Variants in TMEM63C observed in about 807,000 individuals in gnomAD.
TMEM63C encodes the protein osmosensitive cation channel TMEM63C.
Under a neutral mutation model 99.2 loss-of-function variants are expected in TMEM63C, and 32 were observed. The observed-to-expected ratio is 0.32, with a 90% CI of 0.24 to 0.43. TMEM63C has a LOEUF of 0.43. TMEM63C is among the 20% of genes least tolerant of loss of function. The pLI is 1.00. For missense variants in TMEM63C, 826 were observed against 1,053.0 expected, an observed-to-expected ratio of 0.78 and a Z score of 2.98; for synonymous variants, 376 against 397.9, an observed-to-expected ratio of 0.94 and a Z score of 0.66.
intron 5 of TMEM63C, among the ~76,000 whole-genome samples, chr14:77,220,387 TCA>T (rs1018636480): frequency 6.6e-6 from 1 of 152,202 alleles, no homozygotes; most frequent in African/African-American, 2.4e-5. Context: ...CCAACCCTTC[TCA>T]CAGTCCCGTC....
chr14:77,232,258 T>C (rs1888956342), intron 7 of TMEM63C, among the ~76,000 whole-genome samples: 2 of 150,756 alleles, frequency 1.3e-5, no homozygotes, highest in African/African-American at 4.8e-5. Context: ...GCCTAGCTAA[T>C]ATGTTATTTT....
chr14:77,233,013 CATTTT>C (rs1888971886), intron 7 of TMEM63C, among the ~76,000 whole-genome samples: 1 of 152,162 alleles, frequency 6.6e-6, no homozygotes, highest in African/African-American at 2.4e-5. Context: ...TTTTTAGACA[CATTTT>C]ATAAGGGGGT....
chr14:77,235,670 G>T (rs1215350811), intron 8 of TMEM63C, among the ~76,000 whole-genome samples: 1 of 9,332 alleles, frequency 1.1e-4, no homozygotes, highest in African/African-American at 6.4e-4. Flanking sequence ...GGTCTGGGGA[G>T]ACTGTGGTGG....
intron 1 of TMEM63C, among the ~76,000 whole-genome samples, chr14:77,194,334 A>ATGTGTGTGTG (rs756163017): frequency 1.8e-4 from 13 of 71,934 alleles, no homozygotes; most frequent in South Asian, 8.7e-4. Flanking sequence ...AGATATATAT[A>ATGTGTGTGTG]TATGTGTGTG....
At chr14:77,219,013 C>A in intron 3 of TMEM63C, 50 bp downstream of exon 3, 2 of 1,464,238 alleles carry the variant, frequency 1.4e-6, no homozygotes, top group South Asian at 2.9e-5. Flanking sequence ...CAGACAGGGT[C>A]GAACTTTCAC....
chr14:77,257,293 CAGAGCA>C lies in TMEM63C; in HGVS notation c.*573_*578del, dbSNP rs1180685026. On this transcript the variant is annotated 3_prime_UTR_variant, in exon 24 of 24. Coordinates refer to ENST00000298351, the MANE Select transcript of TMEM63C (RefSeq NM_020431.4). ...GTAAAGAGAAAGTTTCTGCACCCAC[CAGAGCA>C]AGAGCCAACTGAAAGCGTAGACCTG... The C allele has an allele frequency of 2.0e-5, 3 of 153,362 alleles. No individual in the cohort carries two copies. The highest frequency in any genetic ancestry group is 4.4e-5 in the Non-Finnish European group (3 of 68,952). The allele number at this position is 153,362 out of a possible 1,614,324, so 9.5% of individuals were successfully genotyped here. A position where few individuals can be genotyped will look rare whatever the true frequency, so the allele number is the denominator to read the frequency against.
At chr14:77,222,317 G>A (rs186978535) in intron 5 of TMEM63C, among the ~76,000 whole-genome samples, 113 of 152,202 alleles carry the variant, frequency 7.4e-4, no homozygotes, top group African/African-American at 2.5e-3. Flanking sequence ...GTGTCTCCAC[G>A]TTGTGTTGCT....
chr14:77,243,039 C>G lies in TMEM63C; in HGVS notation c.1324C>G (p.Pro442Ala). The G allele has an allele frequency of 6.2e-7, 1 of 1,613,826 alleles. No individual in the cohort carries two copies. Among genetic ancestry groups the G allele is most frequent in the Non-Finnish European group, 8.5e-7 (1 of 1,179,872 alleles). Residue 442 changes from proline to alanine, a missense_variant, in exon 15 of 24, where the codon CCC (proline) becomes GCC (alanine). Coordinates refer to ENST00000298351, the MANE Select transcript of TMEM63C (RefSeq NM_020431.4). ...NTIDMYNVTRPIEKLQNPIVT... is the reference protein window; with the variant it reads ...NTIDMYNVTRAIEKLQNPIVT... ...TATCGACATGTACAACGTCACCCGC[C>G]CCATCGAGAAGCTGCAGGTGCCTCC...
chr14:77,228,120 T>C (rs1888864448), intron 6 of TMEM63C, among the ~76,000 whole-genome samples: 3 of 151,786 alleles, frequency 2.0e-5, no homozygotes, highest in South Asian at 4.2e-4. Flanking sequence ...AGGGAAGCAA[T>C]GAGAGCAGAG....
chr14:77,205,320 G>A (rs530784209), intron 1 of TMEM63C, among the ~76,000 whole-genome samples: 9 of 152,340 alleles, frequency 5.9e-5, no homozygotes, highest in Admixed American at 5.9e-4. Flanking sequence ...GGCCTCCCCA[G>A]GCACTGCAGA....
intron 1 of TMEM63C, among the ~76,000 whole-genome samples, chr14:77,182,803 G>A (rs1483532860): frequency 2.0e-5 from 3 of 152,124 alleles, no homozygotes; most frequent in African/African-American, 4.8e-5. Context: ...GGGTGTGAGC[G>A]TGTGCTGTTC....
At chr14:77,234,872 C>T (rs1367636739) in intron 8 of TMEM63C, among the ~76,000 whole-genome samples, 1 of 152,214 alleles carries the variant, frequency 6.6e-6, no homozygotes, top group Non-Finnish European at 1.5e-5. Flanking sequence ...TTCTTCCTCA[C>T]TTGGTCTGCT....
chr14:77,204,711 T>G (rs1174799807), intron 1 of TMEM63C, among the ~76,000 whole-genome samples: 1 of 152,238 alleles, frequency 6.6e-6, no homozygotes, highest in Non-Finnish European at 1.5e-5. Flanking sequence ...TATACTTAAC[T>G]TTATTGAGCC....
intron 7 of TMEM63C, 63 bp downstream of exon 7, chr14:77,231,793 G>A (rs1888948258): frequency 6.5e-7 from 1 of 1,536,952 alleles, no homozygotes; most frequent in Non-Finnish European, 8.8e-7. Flanking sequence ...AGGCAAGCCA[G>A]TCAGGGCTGG....
At chr14:77,184,177 A>G (rs533338293) in intron 1 of TMEM63C, among the ~76,000 whole-genome samples, 1 of 152,216 alleles carries the variant, frequency 6.6e-6, no homozygotes, top group East Asian at 1.9e-4. Flanking sequence ...TGGGGGAAAC[A>G]TGGTCATTTC....
At chr14:77,185,949 G>A (rs975432183) in intron 1 of TMEM63C, among the ~76,000 whole-genome samples, 60 of 151,870 alleles carry the variant, frequency 4.0e-4, no homozygotes, top group African/African-American at 1.4e-3. Context: ...CCATTTGCTC[G>A]TCCCTCTGCT....
chr14:77,252,592 T>C (rs957249047), intron 22 of TMEM63C, among the ~76,000 whole-genome samples: 7 of 152,264 alleles, frequency 4.6e-5, no homozygotes, highest in Non-Finnish European at 8.8e-5. Flanking sequence ...TTTCTGCCTA[T>C]GGCAACTGAA....
chr14:77,199,451 CTCT>C (rs1435311533), intron 1 of TMEM63C, among the ~76,000 whole-genome samples: 1 of 152,216 alleles, frequency 6.6e-6, no homozygotes, highest in Non-Finnish European at 1.5e-5. Flanking sequence ...CTCATCCCAC[CTCT>C]TCAGCCAAGC....
chr14:77,194,678 A>G (rs1888185734), intron 1 of TMEM63C, among the ~76,000 whole-genome samples: 1 of 151,678 alleles, frequency 6.6e-6, no homozygotes. Context: ...GGTTTAAGTA[A>G]TTCTCCCACC....
Sources: allele counts gnomAD v4.1 joint callset (sites outside exome capture counted in the v4.1 genomes callset), GRCh38; gene constraint gnomAD v4.1.1; transcripts MANE v1.5; gene names NCBI Gene and HGNC (gene_info 2026-07-23, HGNC 2026-07-21).